Variants in CACNA1D observed in about 807,000 individuals in gnomAD.
The protein encoded by CACNA1D is calcium voltage-gated channel subunit alpha1 D.
A neutral mutation model predicts 257.1 loss-of-function variants in CACNA1D; 55 were observed. The observed-to-expected ratio is 0.21, with a 90% CI of 0.17 to 0.27. CACNA1D has a LOEUF of 0.27. Among genes scored for constraint, CACNA1D ranks in the 10% least tolerant of loss-of-function variants. The pLI, the probability that CACNA1D is intolerant of heterozygous loss-of-function variation, is 1.00. For synonymous variants in CACNA1D, 980 were observed against 1,014.9 expected (o/e 0.97, Z 0.65); for missense variants, 1,876 against 2,784.0 (o/e 0.67, Z 7.34).
chr3:53,612,778 TG>T (rs2093597100), intron 3 of CACNA1D, among the ~76,000 whole-genome samples: 1 of 152,200 alleles, frequency 6.6e-6, no homozygotes, highest in Non-Finnish European at 1.5e-5. Context: ...GGCAGAAAGC[TG>T]GGGCAGTCGT....
chr3:53,795,414 G>A (rs2095503336), intron 40 of CACNA1D, among the ~76,000 whole-genome samples: 1 of 152,218 alleles, frequency 6.6e-6, no homozygotes, highest in Non-Finnish European at 1.5e-5. Context: ...TTGCCTGGGT[G>A]GTGGTTGAGG....
At chr3:53,593,141 G>T (rs2093328626) in intron 3 of CACNA1D, among the ~76,000 whole-genome samples, 1 of 152,132 alleles carries the variant, frequency 6.6e-6, no homozygotes, top group Non-Finnish European at 1.5e-5. Context: ...AACCAGCTAG[G>T]ACCAAAATCA....
intron 3 of CACNA1D, among the ~76,000 whole-genome samples, chr3:53,546,739 T>C (rs373163532): frequency 6.1e-4 from 93 of 152,316 alleles, no homozygotes; most frequent in African/African-American, 2.1e-3. Flanking sequence ...ACTAACTGCA[T>C]TGCATCATAC....
At position 53,776,579 on chromosome 3, in the gene CACNA1D, T is replaced by C. The variant is rs370082719; in HGVS notation, c.4363-24T>C. Reference sequence around the variant, plus strand: ...CGCAATCCAGCTGCAGCTGAAGTTCTTCCTTTCCTATTTGCTTTTTCAGAT... The same window carrying C: ...CGCAATCCAGCTGCAGCTGAAGTTCCTCCTTTCCTATTTGCTTTTTCAGAT... On this transcript the variant is annotated intron_variant, in intron 35 of 47. Coordinates refer to ENST00000350061, the MANE Select transcript of CACNA1D (RefSeq NM_001128840.3). The C allele has an allele frequency of 2.5e-6, 4 of 1,613,978 alleles. No individual in the cohort carries two copies. The African/African-American group carries it at 5.3e-5, about 22-fold the overall frequency.
In CACNA1D at chr3:53,666,339, A is replaced by C. The variant is rs2094263314; in HGVS notation, c.920A>C (p.Asp307Ala). The change falls in exon 7 of 48, where the codon GAT becomes GCT. Residue 307 changes from aspartate (D) to alanine (A), a missense_variant and splice_region_variant. Asp to Ala is a moderately radical substitution (Grantham distance 126). Transcript: ENST00000350061. Reference protein sequence around the residue: ...MHKTCFFADSDIVAEEDPAPC... With the variant: ...MHKTCFFADSAIVAEEDPAPC... ...TACAGCCTGTTTGCTCTGTTTGCAG[A>C]TATCGTAGCTGAAGAGGACCCAGCT... 1 of 1,613,688 alleles carries C rather than the reference A, an allele frequency of 6.2e-7. No individual in the cohort carries two copies. The highest frequency in any genetic ancestry group is 2.2e-5 in the East Asian group (1 of 44,876).
intron 9 of CACNA1D, among the ~76,000 whole-genome samples, chr3:53,708,034 C>T (rs1173394069): frequency 6.6e-6 from 1 of 152,194 alleles, no homozygotes; most frequent in Non-Finnish European, 1.5e-5. Flanking sequence ...ACTGCCCCTG[C>T]CTGCCCGGGG....
At chr3:53,752,288 T>C (rs188916505) in intron 28 of CACNA1D, among the ~76,000 whole-genome samples, 4 of 152,308 alleles carry the variant, frequency 2.6e-5, no homozygotes, top group Middle Eastern at 3.4e-3. Context: ...GGAAAGTTGT[T>C]TAAATTCCCC....
chr3:53,712,382 G>A (rs969501116), intron 9 of CACNA1D, among the ~76,000 whole-genome samples: 1 of 152,224 alleles, frequency 6.6e-6, no homozygotes, highest in Non-Finnish European at 1.5e-5. Context: ...CCCTGAACAC[G>A]CGGAGATAGT....
chr3:53,529,947 T>C (rs552750446), intron 3 of CACNA1D, among the ~76,000 whole-genome samples: 1 of 152,340 alleles, frequency 6.6e-6, no homozygotes, highest in South Asian at 2.1e-4. Flanking sequence ...AAGTAAGAGC[T>C]TAAATTCATG....
In CACNA1D at chr3:53,772,909, G is replaced by T. The variant is rs1465098193; in HGVS notation, c.4110+11G>T. ...GTCATTGGCATGCAGGTAAGCTCCAGCCATCTCGCCCTCAGGGGCCCTTTC... is the reference window on the plus strand; with the variant it reads ...GTCATTGGCATGCAGGTAAGCTCCATCCATCTCGCCCTCAGGGGCCCTTTC... On this transcript the variant is annotated intron_variant, in intron 33 of 47. Coordinates refer to ENST00000350061, the MANE Select transcript of CACNA1D (RefSeq NM_001128840.3). 5 of 1,612,614 alleles carry T rather than the reference G, an allele frequency of 3.1e-6. No individual in the cohort carries two copies. The Admixed American group carries it at 6.7e-5, about 21-fold the overall frequency.
intron 29 of CACNA1D, among the ~76,000 whole-genome samples, chr3:53,758,668 A>G (rs942519486): frequency 6.6e-6 from 1 of 152,192 alleles, no homozygotes; most frequent in Non-Finnish European, 1.5e-5. Flanking sequence ...TTTCTGCGCA[A>G]TACATATTGC....
chr3:53,805,848 T>C (rs1212284073), intron 45 of CACNA1D, among the ~76,000 whole-genome samples: 4 of 104,220 alleles, frequency 3.8e-5, no homozygotes, highest in African/African-American at 3.8e-5. Flanking sequence ...CCTCCATCTT[T>C]CCTCCTCCTC....
At position 53,803,408 on chromosome 3, in the gene CACNA1D, C is replaced by A; in HGVS notation, c.5436-15C>A. 1 of 1,614,130 alleles carries A rather than the reference C, an allele frequency of 6.2e-7. No homozygotes were observed. Among genetic ancestry groups the A allele is most frequent in the South Asian group, 1.1e-5 (1 of 91,088 alleles). On this transcript the variant is annotated splice_polypyrimidine_tract_variant and intron_variant, in intron 43 of 47. Transcript: ENST00000350061. Reference sequence around the variant, plus strand: ...CCGCCTGCCCAGGTTCTCAGATCCTCTCTCCCAACTGCAGGTCCGACTCAG... The same window carrying A: ...CCGCCTGCCCAGGTTCTCAGATCCTATCTCCCAACTGCAGGTCCGACTCAG...
chr3:53,668,733 C>G (rs1413589896), intron 7 of CACNA1D, among the ~76,000 whole-genome samples: 1 of 152,196 alleles, frequency 6.6e-6, no homozygotes, highest in East Asian at 1.9e-4. Context: ...ACATGGTCAC[C>G]TCAGCAACTG....
Position 53,687,340 on chromosome 3 carries a change from G to T in CACNA1D, c.1220+14214G>T, listed in dbSNP as rs896346822. Among the ~76,000 whole-genome samples the T allele has an allele frequency of 2.6e-5, 4 of 151,996 alleles. No individual in the cohort carries two copies. The South Asian group carries it at 6.2e-4, about 24-fold the overall frequency. ...CAATCATAAAAAATAAAGAAGGAGG[G>T]CTTATACTGCTGATTTCAAAATTTA... On this transcript the variant is annotated intron_variant, in intron 8 of 47. Coordinates refer to ENST00000350061, the MANE Select transcript of CACNA1D (RefSeq NM_001128840.3).
chr3:53,683,953 A>G (rs1310890644), intron 8 of CACNA1D, among the ~76,000 whole-genome samples: 1 of 152,228 alleles, frequency 6.6e-6, no homozygotes, highest in East Asian at 1.9e-4. Context: ...AAGCAGGGGA[A>G]ACACAAAGGG....
chr3:53,696,271 T>C (rs1451141921), intron 8 of CACNA1D, among the ~76,000 whole-genome samples: 1 of 152,242 alleles, frequency 6.6e-6, no homozygotes, highest in Non-Finnish European at 1.5e-5. Context: ...TCTGGCCTTG[T>C]AGCCTGGTTT....
At chr3:53,744,544 T>G (rs532784609) in intron 22 of CACNA1D, among the ~76,000 whole-genome samples, 196 bp from the exon 23 acceptor site, 2 of 152,320 alleles carry the variant, frequency 1.3e-5, no homozygotes, top group South Asian at 2.1e-4. Flanking sequence ...TGGGCTGGGC[T>G]TGGGAGGTGC....
At chr3:53,721,912 A>C (rs2094886948) in intron 11 of CACNA1D, among the ~76,000 whole-genome samples, 1 of 152,174 alleles carries the variant, frequency 6.6e-6, no homozygotes. Flanking sequence ...GGCTCTCTGC[A>C]CTGATTGCAT....
Sources: gnomAD v4.1 joint callset for allele counts (sites outside exome capture counted in the v4.1 genomes callset) on GRCh38, gnomAD v4.1.1 for gene constraint, MANE v1.5 for transcripts, NCBI Gene and HGNC (gene_info 2026-07-23, HGNC 2026-07-21) for gene names.